FHIP2A: variants seen among roughly 807,000 people sequenced by gnomAD.
The protein encoded by FHIP2A is FHF complex subunit HOOK interacting protein 2A, also known as family with sequence similarity 160 member B1.
In FHIP2A, 46 loss-of-function variants were observed where a neutral mutation model predicts 93.5. The ratio of observed to expected loss-of-function variants is 0.49; its 90% CI spans 0.39 to 0.63. The LOEUF (loss-of-function observed/expected upper bound fraction) is 0.63, where lower values mean the gene tolerates loss of function less well. Ranked by LOEUF, FHIP2A falls within the 20% of genes least tolerant of loss-of-function variation. FHIP2A has a pLI of 0.00. For synonymous variants in FHIP2A, 332 were observed against 326.5 expected (o/e 1.02, Z -0.18); for missense variants, 769 against 909.7 (o/e 0.85, Z 1.99).
chr10:114,895,785 CA>C (rs2083998176), intron 16 of FHIP2A, among the ~76,000 whole-genome samples: 1 of 152,026 alleles, frequency 6.6e-6, no homozygotes, highest in Non-Finnish European at 1.5e-5. Context: ...CCTAAACGAG[CA>C]AAAAAGATTC....
At chr10:114,838,450 C>G (rs1236653492) in intron 5 of FHIP2A, among the ~76,000 whole-genome samples, 1 of 151,880 alleles carries the variant, frequency 6.6e-6, no homozygotes, top group Non-Finnish European at 1.5e-5. Context: ...TTCAAAAGGG[C>G]TGGAACAGTC....
chr10:114,827,600 A>G (rs1454814877), intron 1 of FHIP2A, among the ~76,000 whole-genome samples: 1 of 152,190 alleles, frequency 6.6e-6, no homozygotes, highest in African/African-American at 2.4e-5. Context: ...GATCGAGACC[A>G]TCCTGGCTAA....
At chr10:114,857,224 G>A (rs1232515865) in intron 14 of FHIP2A, among the ~76,000 whole-genome samples, 1 of 151,688 alleles carries the variant, frequency 6.6e-6, no homozygotes, top group African/African-American at 2.4e-5. Context: ...AGCATTTTTG[G>A]CCTAGTTTTA....
At position 114,823,482 on chromosome 10, in the gene FHIP2A, T is replaced by TTTTA. The variant is rs759295106; in HGVS notation, c.45+1383_45+1386dup. 2.5e-3 allele frequency among the ~76,000 whole-genome samples: 208 copies of TTTTA among 82,934 alleles called. 1 individual carries two copies. Among genetic ancestry groups the TTTTA allele is most frequent in the East Asian group, 0.011 (51 of 4,806 alleles). 54.4% of individuals were successfully genotyped at this position (82,934 alleles called of 152,430 possible). On this transcript the variant is annotated intron_variant, in intron 1 of 16. Transcript: ENST00000369248. ...TTTAAAAATACCAAGAATCATTTAA[T>TTTTA]TTTATTTATTTATTTATTTATTTAT...
At chr10:114,824,976 C>G (rs760123369) in intron 1 of FHIP2A, among the ~76,000 whole-genome samples, 1 of 152,068 alleles carries the variant, frequency 6.6e-6, no homozygotes, top group Non-Finnish European at 1.5e-5. Context: ...TCCAGGTTTC[C>G]TTATTTAATT....
At chr10:114,839,607 G>C (rs185014496) in intron 5 of FHIP2A, among the ~76,000 whole-genome samples, 1 of 152,034 alleles carries the variant, frequency 6.6e-6, no homozygotes, top group Non-Finnish European at 1.5e-5. Context: ...GGCCGGGCGC[G>C]GTGGCTCATG....
At chr10:114,858,319 T>C (rs1457500572) in intron 14 of FHIP2A, among the ~76,000 whole-genome samples, 1 of 152,198 alleles carries the variant, frequency 6.6e-6, no homozygotes, top group Admixed American at 6.5e-5. Context: ...TTTTACTACG[T>C]TGAGAAATAA....
At chr10:114,885,175 A>G (rs904438140) in intron 16 of FHIP2A, among the ~76,000 whole-genome samples, 1 of 151,932 alleles carries the variant, frequency 6.6e-6, no homozygotes, top group Non-Finnish European at 1.5e-5. Flanking sequence ...CAGGTGGATC[A>G]CCTGAGGTCA....
Position 114,847,237 on chromosome 10 carries a change from A to T in FHIP2A, c.1712+4A>T. On this transcript the variant is annotated splice_donor_region_variant and intron_variant, in intron 12 of 16. Coordinates refer to ENST00000369248, the MANE Select transcript of FHIP2A (RefSeq NM_020940.4). ...AAGTTCATAAAATTGTAAATAGGTGAGTTGCTATATAAAATTTGACTTCCA... is the reference window on the plus strand; with the variant it reads ...AAGTTCATAAAATTGTAAATAGGTGTGTTGCTATATAAAATTTGACTTCCA... 6.3e-7 allele frequency: 1 copy of T among 1,596,274 alleles called. No homozygotes were observed. Among genetic ancestry groups the T allele is most frequent in the Non-Finnish European group, 8.5e-7 (1 of 1,175,276 alleles).
At chr10:114,884,994 C>T (rs1241614988) in intron 16 of FHIP2A, among the ~76,000 whole-genome samples, 1 of 151,832 alleles carries the variant, frequency 6.6e-6, no homozygotes, top group East Asian at 1.9e-4. Flanking sequence ...ACATTAGCTG[C>T]CATTATCATC....
rs11295786 is a variant in FHIP2A, at chr10:114,882,874, C to CA, written c.2193-16601dup. ...TGGGTGACAGAGCAAGACTCTGTCT[C>CA]AAAAAAAAAAAAAAAGAAAGAAAAG... On this transcript the variant is annotated intron_variant, in intron 16 of 16. Coordinates refer to the FHIP2A transcript ENST00000369250. Among the ~76,000 whole-genome samples the CA allele has an allele frequency of 9.5e-3, 1,190 of 124,858 alleles. 13 individuals carry two copies. Among genetic ancestry groups the CA allele is most frequent in the African/African-American group, 0.03 (992 of 32,782 alleles). The allele number at this position is 124,858 out of a possible 152,430, so 81.9% of individuals were successfully genotyped here.
At chr10:114,889,071 C>G (rs1327420523) in intron 16 of FHIP2A, among the ~76,000 whole-genome samples, 1 of 151,640 alleles carries the variant, frequency 6.6e-6, no homozygotes, top group African/African-American at 2.4e-5. Flanking sequence ...AGTGCTGAGG[C>G]TGGTCTGAAG....
intron 3 of FHIP2A, among the ~76,000 whole-genome samples, chr10:114,834,964 C>T (rs1257881712): frequency 6.6e-6 from 1 of 152,192 alleles, no homozygotes; most frequent in Non-Finnish European, 1.5e-5. Flanking sequence ...ACTACCAGAA[C>T]TGAGTGAGTG....
chr10:114,836,299 T>C (rs752229620), intron 5 of FHIP2A, 53 bp downstream of exon 5: 11 of 1,369,986 alleles, frequency 8.0e-6, no homozygotes, highest in Non-Finnish European at 1.1e-5. Flanking sequence ...AAGATCATTA[T>C]GAAAATTGAA....
At chr10:114,827,183 T>G (rs962346589) in intron 1 of FHIP2A, among the ~76,000 whole-genome samples, 4 of 152,228 alleles carry the variant, frequency 2.6e-5, no homozygotes, top group Non-Finnish European at 4.4e-5. Flanking sequence ...AGTTAACCAA[T>G]TTTGAGTCTT....
chr10:114,862,352 C>A lies in FHIP2A; in HGVS notation c.*812C>A, dbSNP rs945606872. On this transcript the variant is annotated 3_prime_UTR_variant, in exon 17 of 17. Transcript: ENST00000369248. ...TAAGTAACATGTACTGGGTTGAGAA[C>A]CTTTTTCCCCCCTCTCCCTCTCAGA... 77 of 987,122 alleles carry A rather than the reference C, an allele frequency of 7.8e-5. No homozygotes were observed. Among genetic ancestry groups the A allele is most frequent in the Admixed American group, 1.2e-4 (2 of 16,242 alleles). 61.1% of individuals were successfully genotyped at this position (987,122 alleles called of 1,614,324 possible).
intron 16 of FHIP2A, among the ~76,000 whole-genome samples, chr10:114,876,100 C>A (rs886111446): frequency 6.6e-6 from 1 of 152,182 alleles, no homozygotes; most frequent in African/African-American, 2.4e-5. Context: ...GGCCCCCACC[C>A]TCCCGCTCAC....
chr10:114,881,213 C>G (rs1054645369), intron 16 of FHIP2A, among the ~76,000 whole-genome samples: 2 of 152,148 alleles, frequency 1.3e-5, no homozygotes, highest in African/African-American at 4.8e-5. Context: ...TAGCTGGGTC[C>G]CCTGTTTTAT....
chr10:114,822,650 G>GC (rs534358748), intron 1 of FHIP2A, among the ~76,000 whole-genome samples: 1 of 152,236 alleles, frequency 6.6e-6, no homozygotes, highest in South Asian at 2.1e-4. Flanking sequence ...GGCGTCCCTG[G>GC]CGAGGGAGCC....
Sources: gnomAD v4.1 joint callset for allele counts (sites outside exome capture counted in the v4.1 genomes callset) on GRCh38, gnomAD v4.1.1 for gene constraint, MANE v1.5 for transcripts, NCBI Gene and HGNC (gene_info 2026-07-23, HGNC 2026-07-21) for gene names.